The following PALS1 variants were observed in gnomAD, a reference collection of about 807,000 sequenced individuals.
PALS1 encodes the protein protein PALS1.
Under a neutral mutation model 78.9 loss-of-function variants are expected in PALS1, and 31 were observed. The ratio of observed to expected loss-of-function variants is 0.39; its 90% CI spans 0.30 to 0.53. The LOEUF is 0.53. Among genes scored for constraint, PALS1 ranks in the 20% least tolerant of loss-of-function variants. The pLI is 0.67. For synonymous variants in PALS1, 276 were observed against 270.9 expected (o/e 1.02, Z -0.18); for missense variants, 704 against 826.5 (o/e 0.85, Z 1.82).
chr14:67,280,955 G>T (rs1317578865), intron 3 of PALS1, among the ~76,000 whole-genome samples: 5 of 149,498 alleles, frequency 3.3e-5, no homozygotes, highest in Admixed American at 3.3e-4. Flanking sequence ...GGAGTGCAGT[G>T]GTGCAATCTT....
In PALS1 at chr14:67,321,062, A is replaced by G; in HGVS notation, c.1543A>G (p.Thr515Ala). 1 of 1,614,040 alleles carries G rather than the reference A, an allele frequency of 6.2e-7. No homozygotes were observed. Among genetic ancestry groups the G allele is most frequent in the African/African-American group, 1.3e-5 (1 of 75,044 alleles). The change falls in exon 13 of 15, where the codon ACC becomes GCC. Residue 515 changes from threonine to alanine, a missense_variant. Physicochemically the swap from Thr to Ala is moderately conservative, Grantham distance 58. Coordinates refer to ENST00000261681, the MANE Select transcript of PALS1 (RefSeq NM_022474.4). ...ATCTGATTTTGTTTGCCTAGATACA[A>G]CCCGGAGTAGGCGAGACCAAGAAGT... ...DRFASAVPHT[T>A]RSRRDQEVAG...
intron 3 of PALS1, among the ~76,000 whole-genome samples, chr14:67,289,799 G>GTC (rs10669829): frequency 0.3 from 39,874 of 134,132 alleles, 9,645 homozygotes; most frequent in African/African-American, 0.65. Context: ...TTGAGACGGA[G>GTC]TCTCTCTGTC....
intron 3 of PALS1, among the ~76,000 whole-genome samples, chr14:67,289,312 C>G (rs2084736265): frequency 6.6e-6 from 1 of 152,096 alleles, no homozygotes; most frequent in Non-Finnish European, 1.5e-5. Context: ...AGACTTTTCC[C>G]TGTCATTATT....
Position 67,332,999 on chromosome 14 carries a change from A to ATCTGCC in PALS1, c.*43_*44insTCTGCC. The ATCTGCC allele has an allele frequency of 6.4e-7, 1 of 1,564,714 alleles. No homozygotes were observed. On this transcript the variant is annotated 3_prime_UTR_variant, in exon 15 of 15. Transcript: ENST00000261681. ...TGGCATGTTGGACTTGATCTGGCAAAAACTGCCAATAGGAGGACTGCCCGA... is the reference window on the plus strand; with the variant it reads ...TGGCATGTTGGACTTGATCTGGCAAATCTGCCAACTGCCAATAGGAGGACTGCCCGA...
At chr14:67,307,184 G>A (rs535428167) in intron 8 of PALS1, among the ~76,000 whole-genome samples, 51 of 152,128 alleles carry the variant, frequency 3.4e-4, no homozygotes, top group Admixed American at 9.8e-4. Context: ...TGAGTAACTG[G>A]CACATTTGAT....
At chr14:67,317,832 A>G (rs1222173781) in intron 11 of PALS1, among the ~76,000 whole-genome samples, 2 of 152,234 alleles carry the variant, frequency 1.3e-5, no homozygotes, top group African/African-American at 2.4e-5. Context: ...CTGAGAACCC[A>G]CTACCTGCTG....
chr14:67,301,199 T>A (rs1595598104), intron 4 of PALS1, among the ~76,000 whole-genome samples, 190 bp from the exon 5 acceptor site: 1 of 152,326 alleles, frequency 6.6e-6, no homozygotes, highest in East Asian at 1.9e-4. Flanking sequence ...TTAGTGTTTT[T>A]TTAATAAGAA....
At chr14:67,275,997 T>G (rs1030686413) in intron 2 of PALS1, among the ~76,000 whole-genome samples, 1 of 152,160 alleles carries the variant, frequency 6.6e-6, no homozygotes, top group Non-Finnish European at 1.5e-5. Context: ...TGCATGTATT[T>G]GATTCTTCTC....
intron 11 of PALS1, 82 bp downstream of exon 11, chr14:67,317,561 T>C (rs2085196444): frequency 1.2e-6 from 1 of 863,824 alleles, no homozygotes; most frequent in East Asian, 2.7e-5. Context: ...TAATGTTAAA[T>C]ATGTGCTTGA....
intron 1 of PALS1, among the ~76,000 whole-genome samples, chr14:67,261,260 A>G (rs1462336551): frequency 6.6e-6 from 1 of 152,188 alleles, no homozygotes; most frequent in African/African-American, 2.4e-5. Context: ...ATGATTGGCA[A>G]TTAGAAAAGA....
chr14:67,323,419 A>G (rs944658078), intron 13 of PALS1, among the ~76,000 whole-genome samples: 1 of 151,644 alleles, frequency 6.6e-6, no homozygotes, highest in Non-Finnish European at 1.5e-5. Flanking sequence ...GTTCAAGACC[A>G]GCCTGGACAA....
At chr14:67,309,710 A>T (rs1238403208) in intron 8 of PALS1, among the ~76,000 whole-genome samples, 2 of 152,184 alleles carry the variant, frequency 1.3e-5, no homozygotes, top group Admixed American at 1.3e-4. Context: ...GTAGTTCCCT[A>T]AGATTGCTGT....
intron 9 of PALS1, among the ~76,000 whole-genome samples, chr14:67,314,764 G>C (rs1344382485): frequency 6.6e-6 from 1 of 152,158 alleles, no homozygotes; most frequent in Non-Finnish European, 1.5e-5. Flanking sequence ...TTTGACGATG[G>C]CTTTCCATCA....
intron 3 of PALS1, among the ~76,000 whole-genome samples, chr14:67,280,853 T>TTCCTTCCTTCCTTCCTTCCTTCCCTCCC (rs1328488242): frequency 1.3e-5 from 1 of 77,610 alleles, no homozygotes; most frequent in Non-Finnish European, 2.1e-5. Flanking sequence ...CCTTCCTTCC[T>TTCCTTCCTTCCTTCCTTCCTTCCCTCCC]TCCCTCCCTC....
intron 1 of PALS1, among the ~76,000 whole-genome samples, chr14:67,249,204 T>G (rs1237563940): frequency 1.3e-5 from 2 of 151,370 alleles, no homozygotes; most frequent in African/African-American, 4.9e-5. Context: ...TCAGGTGATT[T>G]GCACGTCTCG....
intron 1 of PALS1, among the ~76,000 whole-genome samples, chr14:67,255,723 C>T (rs543707961): frequency 6.6e-6 from 1 of 152,308 alleles, no homozygotes; most frequent in African/African-American, 2.4e-5. Context: ...CTCTGTTGCC[C>T]AGGCTGTAGT....
chr14:67,316,817 C>G lies in PALS1; in HGVS notation c.1226-15C>G, dbSNP rs539325902. 6.3e-7 allele frequency: 1 copy of G among 1,596,070 alleles called. No individual in the cohort carries two copies. Among genetic ancestry groups the G allele is most frequent in the East Asian group, 2.2e-5 (1 of 44,552 alleles). On this transcript the variant is annotated splice_polypyrimidine_tract_variant and intron_variant, in intron 9 of 14. Transcript: ENST00000261681. Reference sequence around the variant, plus strand: ...TCTTAAATATTTTACCCTTCTTTTTCTTTCTGCTATTAAGGGAAAAGCTTT... The same window carrying G: ...TCTTAAATATTTTACCCTTCTTTTTGTTTCTGCTATTAAGGGAAAAGCTTT...
At chr14:67,330,886 T>C (rs942093270) in intron 14 of PALS1, among the ~76,000 whole-genome samples, 2 of 152,210 alleles carry the variant, frequency 1.3e-5, no homozygotes, top group Non-Finnish European at 2.9e-5. Context: ...AAGATGTCAG[T>C]CTTTTCAAAT....
chr14:67,241,698 G>C (rs982460285), intron 1 of PALS1, 165 bp downstream of exon 1: 4 of 152,384 alleles, frequency 2.6e-5, no homozygotes, highest in African/African-American at 9.7e-5. Context: ...CCTCAGGCGC[G>C]CGAGCTGCGG....
Sources: gnomAD v4.1 joint callset for allele counts (sites outside exome capture counted in the v4.1 genomes callset) on GRCh38, gnomAD v4.1.1 for gene constraint, MANE v1.5 for transcripts, NCBI Gene and HGNC (gene_info 2026-07-23, HGNC 2026-07-21) for gene names.